The following KCNV2 variants were observed in gnomAD, a reference collection of about 807,000 sequenced individuals.
KCNV2 encodes potassium voltage-gated channel modifier subfamily V member 2, also known as potassium voltage-gated channel subfamily V member 2.
In KCNV2, 65 loss-of-function variants were observed where a neutral mutation model predicts 37.0. The observed-to-expected ratio is 1.76, with a 90% CI of 1.44 to 2.16. KCNV2 has a LOEUF of 2.16. KCNV2 is among the 30% of genes most tolerant of loss of function. The pLI is 0.00. For synonymous variants in KCNV2, 518 were observed against 328.6 expected (o/e 1.58, Z -6.23); for missense variants, 1,232 against 766.7 (o/e 1.61, Z -7.17).
intron 1 of KCNV2, among the ~76,000 whole-genome samples, chr9:2,728,229 G>A (rs111544510): frequency 3.9e-5 from 6 of 152,182 alleles, no homozygotes; most frequent in African/African-American, 7.2e-5. Flanking sequence ...ACCTCAGCAC[G>A]GATCAACAAG....
intron 1 of KCNV2, among the ~76,000 whole-genome samples, chr9:2,723,938 G>C (rs1419146018): frequency 2.0e-5 from 3 of 150,798 alleles, no homozygotes; most frequent in Non-Finnish European, 2.9e-5. Flanking sequence ...TTGGCCTCCT[G>C]TGTGGGTATG....
rs113031517 is a variant in KCNV2 at position 2,719,476 on chromosome 9, T to G, written c.1356+381T>G. Among the ~76,000 whole-genome samples the G allele has an allele frequency of 6.8e-4, 104 of 152,180 alleles. 1 individual carries two copies. Among genetic ancestry groups the G allele is most frequent in the African/African-American group, 2.4e-3 (100 of 41,518 alleles). ...TTTGAGATGGTTATGACCACCATTT[T>G]TTTTTAAGGGGACAAGCAGAAATGG... On this transcript the variant is annotated intron_variant, in intron 1 of 1. Transcript: ENST00000382082.
At chr9:2,720,427 G>C (rs1819845461) in intron 1 of KCNV2, 1 of 152,174 alleles carries the variant, frequency 6.6e-6, no homozygotes, top group Non-Finnish European at 1.5e-5. Context: ...CATATGTATA[G>C]AGGATATGTG....
chr9:2,729,761 G>A lies in KCNV2; in HGVS notation c.*34G>A, dbSNP rs758576091. The A allele has an allele frequency of 6.2e-7, 1 of 1,601,698 alleles. No homozygotes were observed. The highest frequency in any genetic ancestry group is 1.1e-5 in the South Asian group (1 of 90,790). On this transcript the variant is annotated 3_prime_UTR_variant, in exon 2 of 2. Transcript: ENST00000382082. ...AGGACATGTGGCTGGTAGATTCCAT[G>A]AACTTCAAGGCTTCATTGCTCTTTT...
intron 1 of KCNV2, among the ~76,000 whole-genome samples, chr9:2,719,700 T>C (rs750332546): frequency 4.6e-5 from 7 of 152,202 alleles, no homozygotes; most frequent in African/African-American, 1.4e-4. Flanking sequence ...ATTTTACAGA[T>C]AGTGAAATTG....
chr9:2,728,595 A>G (rs911527627), intron 1 of KCNV2, among the ~76,000 whole-genome samples: 4 of 152,200 alleles, frequency 2.6e-5, no homozygotes, highest in African/African-American at 9.7e-5. Context: ...TGCAGGGGTG[A>G]ACATATTTTT....
At chr9:2,729,203 A>G (rs1426515008) in intron 1 of KCNV2, among the ~76,000 whole-genome samples, 1 of 152,172 alleles carries the variant, frequency 6.6e-6, no homozygotes, top group Non-Finnish European at 1.5e-5. Flanking sequence ...ACATTCAAAC[A>G]TGCATGAGTC....
intron 1 of KCNV2, among the ~76,000 whole-genome samples, chr9:2,728,792 C>T (rs374744132): frequency 6.6e-6 from 1 of 151,594 alleles, no homozygotes; most frequent in East Asian, 1.9e-4. Context: ...CTTTTGTATG[C>T]CTGGTACTGT....
rs572091494 is a variant in KCNV2 at position 2,718,390 on chromosome 9, G to C, written c.651G>C (p.Gln217His). The change falls in exon 1 of 2, where the codon CAG becomes CAC. Residue 217 changes from glutamine (Q) to histidine (H), a missense_variant. By Grantham distance (24) the Gln-to-His change is conservative. Transcript: ENST00000382082. Reference protein sequence around the residue: ...RDELSERLKIQHELRAQAQVE... With the variant: ...RDELSERLKIHHELRAQAQVE... The stretch of plus-strand genomic sequence containing the variant: ...AGCTGAGCGAACGGCTCAAGATCCA[G>C]CACGAGCTGCGCGCGCAGGCGCAGG... 1.9e-6 allele frequency: 3 copies of C among 1,600,970 alleles called. No homozygotes were observed. Among genetic ancestry groups the C allele is most frequent in the East Asian group, 2.3e-5 (1 of 44,362 alleles).
At chr9:2,727,507 C>T (rs534825989) in intron 1 of KCNV2, among the ~76,000 whole-genome samples, 2 of 152,296 alleles carry the variant, frequency 1.3e-5, no homozygotes, top group East Asian at 3.9e-4. Flanking sequence ...TGCCTCACAT[C>T]ACCCCTTGGT....
Position 2,719,017 on chromosome 9 carries a change from T to A in KCNV2, c.1278T>A (p.Ser426=), listed in dbSNP as rs1357257500. The change falls in exon 1 of 2, where the codon TCT becomes TCA. Residue 426 remains serine (S), a synonymous_variant. Coordinates refer to ENST00000382082, the MANE Select transcript of KCNV2 (RefSeq NM_133497.4). ...TCGCCATGGGCATCTTCACTTTCTC[T>A]GCGGCTGTCTACTCTGTGGAGCACG... is the stretch of plus-strand genomic sequence containing the variant. ...LFIAMGIFTF[S]AAVYSVEHDV... The A allele has an allele frequency of 1.2e-6, 2 of 1,612,980 alleles. No homozygotes were observed.
chr9:2,729,287 G>A (rs560097567), intron 1 of KCNV2, among the ~76,000 whole-genome samples, 159 bp from the exon 2 acceptor site: 4 of 152,268 alleles, frequency 2.6e-5, no homozygotes, highest in African/African-American at 7.2e-5. Flanking sequence ...AGGTCCTAGA[G>A]GGAGTCTTCC....
At chr9:2,725,131 G>A (rs887389147) in intron 1 of KCNV2, among the ~76,000 whole-genome samples, 2 of 152,176 alleles carry the variant, frequency 1.3e-5, no homozygotes, top group Non-Finnish European at 1.5e-5. Context: ...AGCTGAGGGT[G>A]TGGACAGCAT....
rs1468228645 is a variant in KCNV2, at chr9:2,729,661, C to T, written c.1572C>T (p.Ala524=). The T allele has an allele frequency of 6.2e-7, 1 of 1,614,056 alleles. No homozygotes were observed. The highest frequency in any genetic ancestry group is 1.3e-5 in the African/African-American group (1 of 75,008). ...GAGAGGTGAACTTCATGCAGAGAGC[C>T]AGAAAGAAGATAGCTGAGTGTTTGC... is the stretch of plus-strand genomic sequence containing the variant. ...ERGEVNFMQR[A]RKKIAECLLG... The change falls in exon 2 of 2, where the codon GCC becomes GCT. Residue 524 remains alanine, a synonymous_variant. Coordinates refer to ENST00000382082, the MANE Select transcript of KCNV2 (RefSeq NM_133497.4).
intron 1 of KCNV2, among the ~76,000 whole-genome samples, chr9:2,724,988 C>G (rs1273861187): frequency 6.6e-6 from 1 of 152,200 alleles, no homozygotes; most frequent in Admixed American, 6.5e-5. Flanking sequence ...GGCATTGTTA[C>G]TACTTTTTAT....
rs199497822 is a variant in KCNV2 at position 2,718,965 on chromosome 9, A to C, written c.1226A>C (p.Gln409Pro). The change falls in exon 1 of 2, where the codon CAG becomes CCG. Residue 409 changes from glutamine (Q) to proline (P), a missense_variant. Transcript: ENST00000382082. ...AFGFTLRQCYQQVGCLLLFIA... is the reference protein window; with the variant it reads ...AFGFTLRQCYPQVGCLLLFIA... Reference sequence around the variant, plus strand: ...GGCTTCACGCTGCGCCAGTGCTACCAGCAGGTGGGCTGCCTGCTGCTCTTC... The same window carrying C: ...GGCTTCACGCTGCGCCAGTGCTACCCGCAGGTGGGCTGCCTGCTGCTCTTC... 13 of 1,611,066 alleles carry C rather than the reference A, an allele frequency of 8.1e-6. No homozygotes were observed. In the South Asian group the frequency reaches 9.9e-5, roughly 12 times the overall value.
At chr9:2,722,543 G>A (rs891257646) in intron 1 of KCNV2, among the ~76,000 whole-genome samples, 1 of 134,240 alleles carries the variant, frequency 7.4e-6, no homozygotes, top group African/African-American at 3.1e-5. Flanking sequence ...AAATAAATTA[G>A]AAGTTATTTA....
intron 1 of KCNV2, among the ~76,000 whole-genome samples, chr9:2,729,240 T>C (rs1820021078): frequency 6.6e-6 from 1 of 152,204 alleles, no homozygotes; most frequent in African/African-American, 2.4e-5. Context: ...CCAAAGTCTT[T>C]CAGCTCCATC....
At chr9:2,723,065 C>T (rs12344297) in intron 1 of KCNV2, among the ~76,000 whole-genome samples, 8,108 of 152,168 alleles carry the variant, frequency 0.053, 740 homozygotes, top group African/African-American at 0.19. Context: ...AGTTATATGG[C>T]AAACAGCTTA....
Sources: gnomAD v4.1 joint callset for allele counts (sites outside exome capture counted in the v4.1 genomes callset) on GRCh38, gnomAD v4.1.1 for gene constraint, MANE v1.5 for transcripts, NCBI Gene and HGNC (gene_info 2026-07-23, HGNC 2026-07-21) for gene names.